Variants in WAC observed in about 807,000 individuals in gnomAD.
WAC encodes WW domain-containing adapter protein with coiled-coil.
WAC carries 11 observed loss-of-function variants against 79.6 expected under a neutral mutation model. The observed-to-expected ratio is 0.14, with a 90% confidence interval of 0.09 to 0.23. The LOEUF (loss-of-function observed/expected upper bound fraction) is 0.23. WAC is among the 10% of genes least tolerant of loss of function. The pLI, the probability that WAC is intolerant of heterozygous loss-of-function variation, is 1.00. For synonymous variants in WAC, 304 were observed against 276.9 expected (o/e 1.10, Z -0.97); for missense variants, 728 against 773.5 (o/e 0.94, Z 0.70).
At chr10:28,586,125 A>G (rs574142435) in intron 4 of WAC, among the ~76,000 whole-genome samples, 1 of 152,320 alleles carries the variant, frequency 6.6e-6, no homozygotes, top group Non-Finnish European at 1.5e-5. Context: ...TGAACTGTAA[A>G]TTTAATCTTA....
intron 3 of WAC, among the ~76,000 whole-genome samples, chr10:28,562,192 G>GT (rs1838335694): frequency 6.6e-6 from 1 of 152,136 alleles, no homozygotes; most frequent in African/African-American, 2.4e-5. Flanking sequence ...GAGTAGCTGG[G>GT]ATTGTAGGTG....
intron 11 of WAC, chr10:28,614,891 T>A (rs1841409317): frequency 7.8e-6 from 3 of 384,808 alleles, no homozygotes; most frequent in Non-Finnish European, 1.4e-5. Flanking sequence ...CGGGTTATTT[T>A]GAAGAAAGTG....
chr10:28,550,481 T>C (rs1225200129), intron 3 of WAC, among the ~76,000 whole-genome samples: 2 of 152,124 alleles, frequency 1.3e-5, no homozygotes, highest in Admixed American at 6.6e-5. Flanking sequence ...TTTGTAATTA[T>C]TTACATATGT....
At chr10:28,535,418 A>T (rs1836589291) in intron 2 of WAC, 144 bp from the exon 3 acceptor site, 1 of 1,012,176 alleles carries the variant, frequency 9.9e-7, no homozygotes. Flanking sequence ...AGAAACTTTA[A>T]AGAGTAAAGC....
intron 3 of WAC, chr10:28,536,019 A>C (rs868069793): frequency 9.0e-6 from 2 of 221,578 alleles, no homozygotes; most frequent in Middle Eastern, 1.5e-3. Context: ...AGGCGGGCAG[A>C]TCACCTGAGG....
chr10:28,607,528 G>C (rs1053370095), intron 7 of WAC, among the ~76,000 whole-genome samples: 1 of 152,108 alleles, frequency 6.6e-6, no homozygotes, highest in Non-Finnish European at 1.5e-5. Context: ...TATGAGGTGG[G>C]TTGTTTTTAA....
At chr10:28,536,473 A>T (rs1836682058) in intron 3 of WAC, among the ~76,000 whole-genome samples, 1 of 152,240 alleles carries the variant, frequency 6.6e-6, no homozygotes, top group African/African-American at 2.4e-5. Flanking sequence ...CTATGAATTT[A>T]AAAACTCATT....
intron 3 of WAC, among the ~76,000 whole-genome samples, chr10:28,568,738 T>G (rs1245896550): frequency 6.6e-6 from 1 of 152,062 alleles, no homozygotes; most frequent in Non-Finnish European, 1.5e-5. Context: ...GTTCCCCTTA[T>G]GTCAGGCTTA....
At chr10:28,614,869 A>G (rs1841408413) in intron 11 of WAC, 184 bp downstream of exon 11, 1 of 436,062 alleles carries the variant, frequency 2.3e-6, no homozygotes. Context: ...TATTGTCTCT[A>G]GTAGTGAAGC....
chr10:28,550,817 A>T (rs1458434706), intron 3 of WAC, among the ~76,000 whole-genome samples: 1 of 152,092 alleles, frequency 6.6e-6, no homozygotes, highest in Non-Finnish European at 1.5e-5. Flanking sequence ...TATAAACTTT[A>T]AAAAAAATTG....
intron 3 of WAC, among the ~76,000 whole-genome samples, chr10:28,576,305 A>G (rs1839241901): frequency 6.6e-6 from 1 of 152,208 alleles, no homozygotes; most frequent in Non-Finnish European, 1.5e-5. Flanking sequence ...TATATTTAAG[A>G]TAAGATACGG....
intron 3 of WAC, among the ~76,000 whole-genome samples, chr10:28,559,640 A>G (rs561304702): frequency 6.6e-6 from 1 of 152,316 alleles, no homozygotes; most frequent in South Asian, 2.1e-4. Context: ...GGCAGTTCCC[A>G]CTGGTTTACA....
intron 4 of WAC, among the ~76,000 whole-genome samples, chr10:28,586,793 G>GA (rs1185656052): frequency 6.6e-6 from 1 of 151,704 alleles, no homozygotes; most frequent in African/African-American, 2.4e-5. Flanking sequence ...TCTGAATTAG[G>GA]AAAAAAATGT....
chr10:28,567,030 T>C (rs1455430954), intron 3 of WAC, among the ~76,000 whole-genome samples: 1 of 151,852 alleles, frequency 6.6e-6, no homozygotes, highest in Non-Finnish European at 1.5e-5. Context: ...CTCTAAGTAC[T>C]TTACATTTTT....
intron 3 of WAC, among the ~76,000 whole-genome samples, chr10:28,553,288 A>G (rs1837797579): frequency 1.3e-5 from 2 of 152,166 alleles, no homozygotes; most frequent in African/African-American, 4.8e-5. Context: ...AAAGTGATTT[A>G]CTTTGTAGCC....
intron 3 of WAC, among the ~76,000 whole-genome samples, chr10:28,548,075 C>T (rs1463602683): frequency 6.6e-6 from 1 of 151,910 alleles, no homozygotes; most frequent in Non-Finnish European, 1.5e-5. Context: ...TGCGTGCCAC[C>T]ATGCCTGGCT....
Position 28,622,518 on chromosome 10 carries a change from A to G in WAC, c.*2912A>G, listed in dbSNP as rs1443622136. 1.4e-5 allele frequency: 2 copies of G among 146,234 alleles called. No individual in the cohort carries two copies. Among genetic ancestry groups the G allele is most frequent in the African/African-American group, 5.1e-5 (2 of 39,494 alleles). The allele number at this position is 146,234 out of a possible 1,614,324, so 9.1% of individuals were successfully genotyped here. On this transcript the variant is annotated 3_prime_UTR_variant, in exon 14 of 14. Coordinates refer to ENST00000354911, the MANE Select transcript of WAC (RefSeq NM_016628.5). The stretch of plus-strand genomic sequence containing the variant: ...ATTGTAACAATATATTTGATGAAAG[A>G]AGGTTACAGACTCCCCTGAAGAACC...
At chr10:28,606,290 C>A (rs1442765339) in intron 7 of WAC, among the ~76,000 whole-genome samples, 1 of 152,100 alleles carries the variant, frequency 6.6e-6, no homozygotes, top group East Asian at 1.9e-4. Context: ...TGGGCTCAAG[C>A]CTTGCAAAAT....
chr10:28,597,381 A>G lies in WAC; in HGVS notation c.919+1340A>G, dbSNP rs146743823. ...TTTGCTCACAGAAAATTTTACTTTA[A>G]CAATCCTTGTCAGTTAAAATTCTGA... On this transcript the variant is annotated intron_variant, in intron 7 of 13. Transcript: ENST00000354911. Among the ~76,000 whole-genome samples the G allele has an allele frequency of 2.9e-3, 445 of 152,304 alleles. 4 individuals are homozygous for G. Among genetic ancestry groups the G allele is most frequent in the South Asian group, 0.013 (65 of 4,832 alleles).
Sources: gnomAD v4.1 joint callset for allele counts (sites outside exome capture counted in the v4.1 genomes callset) on GRCh38, gnomAD v4.1.1 for gene constraint, MANE v1.5 for transcripts, NCBI Gene and HGNC (gene_info 2026-07-23, HGNC 2026-07-21) for gene names.